Variants in NFAT5 observed in about 807,000 individuals in gnomAD.
NFAT5 encodes the protein nuclear factor of activated T cells 5, also known as nuclear factor of activated T-cells 5.
NFAT5 carries 31 observed loss-of-function variants against 166.5 expected under a neutral mutation model. That is an observed-to-expected ratio of 0.19 (90% CI 0.14 to 0.25). The LOEUF is 0.25. Ranked by LOEUF, NFAT5 falls within the 10% of genes least tolerant of loss-of-function variation. The probability of loss-of-function intolerance (pLI) is 1.00; values close to 1 mark genes in which losing one functional copy is unlikely to be tolerated. For missense variants in NFAT5, 1,449 were observed against 1,821.8 expected, an observed-to-expected ratio of 0.80 and a Z score of 3.72; for synonymous variants, 612 against 639.7, an observed-to-expected ratio of 0.96 and a Z score of 0.65.
At chr16:69,596,674 C>T (rs1314142330) in intron 2 of NFAT5, among the ~76,000 whole-genome samples, 3 of 149,256 alleles carry the variant, frequency 2.0e-5, no homozygotes, top group Admixed American at 6.7e-5. Context: ...GCCGAGATCG[C>T]GCCATTGCAC....
At chr16:69,596,429 AG>A (rs1447651441) in intron 2 of NFAT5, among the ~76,000 whole-genome samples, 1 of 152,222 alleles carries the variant, frequency 6.6e-6, no homozygotes, top group Non-Finnish European at 1.5e-5. Context: ...TCTTAAAAAA[AG>A]AAAAGAAGGC....
chr16:69,667,916 A>T (rs2036466578), intron 7 of NFAT5, among the ~76,000 whole-genome samples: 1 of 152,132 alleles, frequency 6.6e-6, no homozygotes. Context: ...TTCTGTTCAC[A>T]CATTTACCCT....
chr16:69,693,534 C>T lies in NFAT5; in HGVS notation c.3709C>T (p.Pro1237Ser), dbSNP rs745802873. 1 of 1,614,164 alleles carries T rather than the reference C, an allele frequency of 6.2e-7. No homozygotes were observed. The highest frequency in any genetic ancestry group is 1.7e-5 in the Admixed American group (1 of 60,024). ...GCCTCAGGTGGCCCTGGGCTCCCTT[C>T]CACCTAATCCAATGCCTCAAAGCCA... ...FQPQVALGSL[P>S]PNPMPQSQQG... Residue 1237 changes from proline to serine, a missense_variant, in exon 13 of 15, where the codon CCA becomes TCA. Coordinates refer to ENST00000349945, the MANE Select transcript of NFAT5 (RefSeq NM_138713.4).
chr16:69,580,741 T>C (rs553288848), intron 2 of NFAT5, among the ~76,000 whole-genome samples: 16 of 152,032 alleles, frequency 1.1e-4, no homozygotes, highest in African/African-American at 3.9e-4. Context: ...CTGCAAGCTC[T>C]GCCTCCCAGG....
At chr16:69,622,835 A>G (rs892611103) in intron 2 of NFAT5, among the ~76,000 whole-genome samples, 11 of 104,250 alleles carry the variant, frequency 1.1e-4, no homozygotes, top group Non-Finnish European at 1.9e-4. Flanking sequence ...TGTTTGGGAA[A>G]AAAAAAAAAA....
At chr16:69,568,376 G>GTGTA (rs1163472084) in intron 1 of NFAT5, 119 bp from the exon 2 acceptor site, 341 of 288,116 alleles carry the variant, frequency 1.2e-3, no homozygotes, top group East Asian at 7.7e-3. Context: ...GTGTGTGTGT[G>GTGTA]TATATATATA....
At chr16:69,676,151 AT>A (rs1267041365) in intron 9 of NFAT5, among the ~76,000 whole-genome samples, 3 of 152,194 alleles carry the variant, frequency 2.0e-5, no homozygotes, top group Non-Finnish European at 2.9e-5. Context: ...CCTCCTGCAA[AT>A]CAGATCATTA....
intron 2 of NFAT5, among the ~76,000 whole-genome samples, chr16:69,581,992 C>T (rs1482893811): frequency 2.0e-5 from 3 of 152,156 alleles, no homozygotes; most frequent in African/African-American, 7.2e-5. Context: ...CGGGTGGGCG[C>T]AGTGGCTCAT....
At chr16:69,654,423 T>C (rs769627708) in intron 5 of NFAT5, among the ~76,000 whole-genome samples, 4 of 152,184 alleles carry the variant, frequency 2.6e-5, no homozygotes, top group Non-Finnish European at 4.4e-5. Flanking sequence ...GTGTACAATA[T>C]CAAGTCTACC....
chr16:69,648,144 C>T (rs988908454), intron 4 of NFAT5: 1 of 893,542 alleles, frequency 1.1e-6, no homozygotes, highest in Admixed American at 6.2e-5. Flanking sequence ...CCACTGTACT[C>T]CAGCCTGGGC....
chr16:69,570,047 A>G (rs1242111220), intron 2 of NFAT5, among the ~76,000 whole-genome samples: 1 of 152,200 alleles, frequency 6.6e-6, no homozygotes, highest in African/African-American at 2.4e-5. Flanking sequence ...GGAGAAAGAC[A>G]TGAAGAAAAA....
chr16:69,690,859 G>A (rs1466167973), intron 11 of NFAT5, 81 bp from the exon 12 acceptor site: 2 of 1,175,828 alleles, frequency 1.7e-6, no homozygotes, highest in Non-Finnish European at 2.3e-6. Context: ...TTTAAATCAT[G>A]GCTAATAACA....
chr16:69,679,325 C>T (rs569133058), intron 10 of NFAT5, among the ~76,000 whole-genome samples: 2 of 152,104 alleles, frequency 1.3e-5, no homozygotes, highest in Admixed American at 1.3e-4. Context: ...TGTTAAAATA[C>T]CCCTTGAAGG....
chr16:69,680,846 A>G lies in NFAT5; in HGVS notation c.1690+3511A>G, dbSNP rs1033986238. ...GTGATCTCGGCTCACTGCAACCTCCACCTCCCAGGTTCAGGCAATTCTCCT... is the reference window on the plus strand; with the variant it reads ...GTGATCTCGGCTCACTGCAACCTCCGCCTCCCAGGTTCAGGCAATTCTCCT... On this transcript the variant is annotated intron_variant, in intron 10 of 14. Coordinates refer to ENST00000349945, the MANE Select transcript of NFAT5 (RefSeq NM_138713.4). Among the ~76,000 whole-genome samples the G allele has an allele frequency of 4.6e-5, 7 of 151,136 alleles. No individual in the cohort carries two copies. In the South Asian group the frequency reaches 1.5e-3, roughly 32 times the overall value.
At chr16:69,645,817 A>T (rs2035414989) in intron 3 of NFAT5, among the ~76,000 whole-genome samples, 1 of 152,196 alleles carries the variant, frequency 6.6e-6, no homozygotes, top group South Asian at 2.1e-4. Context: ...AGATAAAATG[A>T]TATCTAAAAT....
At chr16:69,666,679 C>T (rs1489464333) in intron 7 of NFAT5, among the ~76,000 whole-genome samples, 5 of 152,076 alleles carry the variant, frequency 3.3e-5, no homozygotes, top group Admixed American at 6.6e-5. Flanking sequence ...ACAGCAGGTG[C>T]TGGAGAGGAT....
In NFAT5 at chr16:69,695,364, C is replaced by G. The variant is rs1321523625; in HGVS notation, c.4643C>G (p.Ser1548Cys). ...LQNQGNNLTG[S>C]F ...AACCAAGGGAACAACTTGACTGGCTCCTTTTAACTGGATATGTAAGTATTG... is the reference window on the plus strand; with the variant it reads ...AACCAAGGGAACAACTTGACTGGCTGCTTTTAACTGGATATGTAAGTATTG... The change falls in exon 14 of 15, where the codon TCC (serine) becomes TGC (cysteine). Residue 1548 changes from serine to cysteine, a missense_variant. Ser to Cys is a moderately radical substitution (Grantham distance 112). Coordinates refer to ENST00000349945, the MANE Select transcript of NFAT5 (RefSeq NM_138713.4). 1.9e-6 allele frequency: 3 copies of G among 1,611,336 alleles called. No homozygotes were observed. Among genetic ancestry groups the G allele is most frequent in the Non-Finnish European group, 2.5e-6 (3 of 1,177,608 alleles).
intron 5 of NFAT5, among the ~76,000 whole-genome samples, chr16:69,654,239 A>C (rs72783103): frequency 2.0e-5 from 3 of 152,344 alleles, no homozygotes; most frequent in Non-Finnish European, 4.4e-5. Context: ...TTGGCTAGTC[A>C]TATGGTAGAT....
intron 10 of NFAT5, 81 bp downstream of exon 10, chr16:69,677,416 A>G: frequency 8.3e-7 from 1 of 1,211,798 alleles, no homozygotes; most frequent in Non-Finnish European, 1.1e-6. Context: ...TGACTAGCCA[A>G]CCAAAAAGAA....
Sources: gnomAD v4.1 joint callset for allele counts (sites outside exome capture counted in the v4.1 genomes callset) on GRCh38, gnomAD v4.1.1 for gene constraint, MANE v1.5 for transcripts, NCBI Gene and HGNC (gene_info 2026-07-23, HGNC 2026-07-21) for gene names.